Variants in NYAP2 observed in about 807,000 individuals in gnomAD.
NYAP2 encodes neuronal tyrosine-phosphorylated phosphoinositide-3-kinase adaptor 2, also known as neuronal tyrosine-phosphorylated phosphoinositide-3-kinase adapter 2.
A neutral mutation model predicts 50.4 loss-of-function variants in NYAP2; 23 were observed. The observed-to-expected ratio is 0.46, with a 90% CI of 0.33 to 0.65. The LOEUF is 0.65. NYAP2 is among the 30% of genes least tolerant of loss of function. The pLI is 0.02. For synonymous variants in NYAP2, 394 were observed against 365.2 expected, an observed-to-expected ratio of 1.08 and a Z score of -0.90; for missense variants, 885 against 861.0, an observed-to-expected ratio of 1.03 and a Z score of -0.35.
intron 3 of NYAP2, among the ~76,000 whole-genome samples, chr2:225,508,343 G>A (rs531596824): frequency 6.6e-6 from 1 of 152,280 alleles, no homozygotes; most frequent in South Asian, 2.1e-4. Flanking sequence ...TCAGTCTGAA[G>A]CAGGAGAATG....
chr2:225,680,419 G>A, the NYAP2 span, among the ~76,000 whole-genome samples: 1 of 152,046 alleles, frequency 6.6e-6, no homozygotes, highest in Non-Finnish European at 1.5e-5. Flanking sequence ...TGCCAAGTAT[G>A]GCACTGCTCC....
At chr2:225,538,637 A>G (rs1338553091) in intron 4 of NYAP2, among the ~76,000 whole-genome samples, 3 of 152,194 alleles carry the variant, frequency 2.0e-5, no homozygotes, top group Admixed American at 2.0e-4. Flanking sequence ...GTTGCTGTGA[A>G]GACCTCTGAC....
chr2:225,582,924 C>A lies in NYAP2; in HGVS notation c.1507C>A (p.Arg503=), dbSNP rs752903462. Reference sequence around the variant, plus strand: ...CTACGGGGCAGCCCCGGGTGGCTCCCGGTCCCGGACACCCACGAGCCCGCT... The same window carrying A: ...CTACGGGGCAGCCCCGGGTGGCTCCAGGTCCCGGACACCCACGAGCCCGCT... The change falls in exon 5 of 7, where the codon CGG becomes AGG. Residue 503 remains arginine, a synonymous_variant. Coordinates refer to ENST00000636099, the Ensembl canonical transcript of NYAP2. This position sits in a 1 kb window ranked among gnomAD's most constrained non-coding sequence, Gnocchi z 7.0. 1.2e-6 allele frequency: 2 copies of A among 1,612,914 alleles called. No homozygotes were observed. The highest frequency in any genetic ancestry group is 1.3e-5 in the African/African-American group (1 of 75,058).
At chr2:225,484,281 A>G (rs1170228468) in intron 3 of NYAP2, among the ~76,000 whole-genome samples, 5 of 152,214 alleles carry the variant, frequency 3.3e-5, no homozygotes, top group African/African-American at 4.8e-5. Context: ...GTGTTCCAAC[A>G]TGTATTTTTT....
the NYAP2 span, among the ~76,000 whole-genome samples, chr2:225,660,269 C>T: frequency 6.6e-6 from 1 of 152,050 alleles, no homozygotes; most frequent in African/African-American, 2.4e-5. Flanking sequence ...AGGCAAAGTA[C>T]GTAGAAATTG....
At chr2:225,406,910 G>T (rs1482840578) in intron 2 of NYAP2, among the ~76,000 whole-genome samples, 1 of 151,958 alleles carries the variant, frequency 6.6e-6, no homozygotes, top group East Asian at 1.9e-4. Flanking sequence ...TGTCATTTTG[G>T]TTGGAGGAAA....
intron 5 of NYAP2, among the ~76,000 whole-genome samples, chr2:225,591,032 A>G (rs987401428): frequency 2.0e-5 from 3 of 152,172 alleles, no homozygotes; most frequent in Non-Finnish European, 2.9e-5. Flanking sequence ...GAAGAAACCT[A>G]AGACTGGCTG....
intron 3 of NYAP2, among the ~76,000 whole-genome samples, chr2:225,412,171 A>G (rs901061389): frequency 7.0e-6 from 1 of 142,216 alleles, no homozygotes; most frequent in Non-Finnish European, 1.5e-5. Context: ...GTTGGCCAAG[A>G]TGGTCTCTAT....
At chr2:225,430,693 G>A (rs1260698259) in intron 3 of NYAP2, among the ~76,000 whole-genome samples, 1 of 149,082 alleles carries the variant, frequency 6.7e-6, no homozygotes, top group African/African-American at 2.5e-5. Flanking sequence ...AACCCAAGAG[G>A]CAGTGCCCTA....
At chr2:225,471,328 T>G (rs1183559227) in intron 3 of NYAP2, among the ~76,000 whole-genome samples, 1 of 152,232 alleles carries the variant, frequency 6.6e-6, no homozygotes, top group African/African-American at 2.4e-5. Context: ...TTTAATTATT[T>G]TACTGCTTAG....
chr2:225,511,804 G>A (rs1164173277), intron 3 of NYAP2, among the ~76,000 whole-genome samples: 9 of 152,212 alleles, frequency 5.9e-5, no homozygotes, highest in South Asian at 4.1e-4. Context: ...ACATTGTAAC[G>A]ATATGAAAGA....
At chr2:225,569,566 G>C (rs1055895256) in intron 4 of NYAP2, among the ~76,000 whole-genome samples, 5 of 152,174 alleles carry the variant, frequency 3.3e-5, no homozygotes. Context: ...AATAAACTCA[G>C]TGTTTTAGAG....
intron 5 of NYAP2, among the ~76,000 whole-genome samples, chr2:225,606,388 A>G (rs1692787876): frequency 2.0e-5 from 3 of 152,166 alleles, no homozygotes; most frequent in Non-Finnish European, 2.9e-5. Context: ...GGCCATTTCT[A>G]ATAAAATGTG....
intron 6 of NYAP2, among the ~76,000 whole-genome samples, chr2:225,642,853 T>C (rs1693556522): frequency 1.3e-5 from 2 of 152,202 alleles, no homozygotes. Context: ...CTCTCCTAAA[T>C]GTTTATTTTT....
rs778592921 is a variant in NYAP2, at chr2:225,408,986, A to G, written c.106A>G (p.Ile36Val). 12 of 1,612,416 alleles carry G rather than the reference A, an allele frequency of 7.4e-6. No homozygotes were observed. In the South Asian group the frequency reaches 1.2e-4, roughly 16 times the overall value. The change falls in exon 3 of 7, where the codon ATT becomes GTT. Residue 36 changes from isoleucine to valine, a missense_variant. Ile to Val is a conservative substitution (Grantham distance 29, BLOSUM62 3). Transcript: ENST00000636099. ...GATGAAGGCCTATGATGGCTTGGTTATTCAGAATGCGTCAGATATTGCTCG... is the reference window on the plus strand; with the variant it reads ...GATGAAGGCCTATGATGGCTTGGTTGTTCAGAATGCGTCAGATATTGCTCG...
chr2:225,480,128 A>G (rs1454797141), intron 3 of NYAP2, among the ~76,000 whole-genome samples: 3 of 152,092 alleles, frequency 2.0e-5, no homozygotes, highest in Non-Finnish European at 2.9e-5. Context: ...TGGCAGCCTG[A>G]GACATTTTTA....
chr2:225,474,491 A>G (rs1432354458), intron 3 of NYAP2, among the ~76,000 whole-genome samples: 2 of 152,176 alleles, frequency 1.3e-5, no homozygotes, highest in Non-Finnish European at 2.9e-5. Context: ...TTCGTTGAGC[A>G]GTGGTTTGTA....
intron 5 of NYAP2, among the ~76,000 whole-genome samples, chr2:225,625,527 A>G (rs1305384282): frequency 6.6e-6 from 1 of 152,196 alleles, no homozygotes; most frequent in Non-Finnish European, 1.5e-5. Context: ...GGATACTTAA[A>G]TTGAGTTACC....
At chr2:225,661,041 C>T in the NYAP2 span, among the ~76,000 whole-genome samples, 1 of 152,068 alleles carries the variant, frequency 6.6e-6, no homozygotes, top group Admixed American at 6.6e-5. Flanking sequence ...CCTCTTTTGC[C>T]AACTGAAAAG....
Sources: gnomAD v4.1 joint callset for allele counts (sites outside exome capture counted in the v4.1 genomes callset) on GRCh38, gnomAD v4.1.1 for gene constraint, Gnocchi (gnomAD v3.1) non-coding constraint, MANE v1.5 for transcripts, NCBI Gene and HGNC (gene_info 2026-07-23, HGNC 2026-07-21) for gene names.